The following CPS1 variants were observed in gnomAD, a reference collection of about 807,000 sequenced individuals.
The protein encoded by CPS1 is carbamoyl-phosphate synthase 1, also known as carbamoyl-phosphate synthase [ammonia], mitochondrial.
In CPS1, 109 loss-of-function variants were observed where a neutral mutation model predicts 174.6. That is an observed-to-expected ratio of 0.62 (90% CI 0.53 to 0.73). CPS1 has a LOEUF of 0.73. Ranked by LOEUF, CPS1 falls within the 30% of genes least tolerant of loss-of-function variation. The probability of loss-of-function intolerance (pLI) is 0.00; values close to 1 mark genes in which losing one functional copy is unlikely to be tolerated. For missense variants in CPS1, 1,689 were observed against 1,821.9 expected (o/e 0.93, Z 1.33); for synonymous variants, 637 against 632.0 (o/e 1.01, Z -0.12).
intron 35 of CPS1, among the ~76,000 whole-genome samples, chr2:210,675,364 T>A (rs1440101289): frequency 6.6e-6 from 1 of 152,186 alleles, no homozygotes; most frequent in Non-Finnish European, 1.5e-5. Flanking sequence ...TTCCCAAGGC[T>A]TATGATGGGC....
intron 1 of CPS1, among the ~76,000 whole-genome samples, chr2:210,566,274 G>A (rs553538253): frequency 2.6e-5 from 4 of 152,264 alleles, no homozygotes; most frequent in African/African-American, 9.6e-5. Context: ...CTGGGGAAAA[G>A]GGAGGGGGGA....
chr2:210,501,906 T>C (rs1695148203), intron 1 of CPS1, among the ~76,000 whole-genome samples: 1 of 152,106 alleles, frequency 6.6e-6, no homozygotes, highest in South Asian at 2.1e-4. Flanking sequence ...TTTCAGGCTG[T>C]GATGAAAAAA....
At chr2:210,497,889 C>CATATATATATATATAT (rs1401841718) in intron 1 of CPS1, among the ~76,000 whole-genome samples, 752 of 62,862 alleles carry the variant, frequency 0.012, 8 homozygotes, top group Non-Finnish European at 0.02. Context: ...ACAATATATA[C>CATATATATATATATAT]ATACATATAT....
chr2:210,556,912 A>G (rs1696931391), intron 1 of CPS1, 53 bp downstream of exon 1: 1 of 1,588,718 alleles, frequency 6.3e-7, no homozygotes, highest in Non-Finnish European at 8.6e-7. Flanking sequence ...ATAGTTTAGC[A>G]GTGAAGCAAA....
rs183745323 is a variant in CPS1 at position 210,616,343 on chromosome 2, A to G, written c.2569-80A>G. 9.7e-6 allele frequency: 9 copies of G among 927,938 alleles called. No homozygotes were observed. The Admixed American group carries it at 1.4e-4, about 14-fold the overall frequency. 57.5% of individuals were successfully genotyped at this position (927,938 alleles called of 1,614,324 possible). The stretch of plus-strand genomic sequence containing the variant: ...GGCTCTCTAAATAACACACAGAGGC[A>G]TGACTGCTATGTATTTTAAACCAAA... On this transcript the variant is annotated intron_variant, in intron 20 of 37. Transcript: ENST00000233072.
chr2:210,647,751 A>G, intron 25 of CPS1, 112 bp from the exon 26 acceptor site: 1 of 1,324,556 alleles, frequency 7.5e-7, no homozygotes, highest in Non-Finnish European at 1.1e-6. Context: ...AGAGATGTAA[A>G]TATCACAGTC....
intron 1 of CPS1, among the ~76,000 whole-genome samples, chr2:210,520,120 A>C (rs1350719980): frequency 6.6e-6 from 1 of 152,048 alleles, no homozygotes; most frequent in African/African-American, 2.4e-5. Context: ...GATTTTGCTA[A>C]ATTTATATAA....
intron 21 of CPS1, among the ~76,000 whole-genome samples, chr2:210,627,025 C>T (rs906170194): frequency 4.6e-5 from 7 of 152,152 alleles, no homozygotes; most frequent in Non-Finnish European, 1.0e-4. Context: ...CAGTTTTAGT[C>T]ACTAACCCTT....
chr2:210,665,760 A>G (rs1701075969), intron 33 of CPS1, among the ~76,000 whole-genome samples: 1 of 150,006 alleles, frequency 6.7e-6, no homozygotes, highest in African/African-American at 2.5e-5. Flanking sequence ...AGTCTTTGCT[A>G]TTGTGAATAG....
At chr2:210,645,020 A>T (rs1700334376) in intron 25 of CPS1, among the ~76,000 whole-genome samples, 1 of 152,194 alleles carries the variant, frequency 6.6e-6, no homozygotes, top group Admixed American at 6.6e-5. Flanking sequence ...CCTGATGGCT[A>T]TGATAAGGAT....
At chr2:210,613,957 C>T (rs752542239) in intron 20 of CPS1, among the ~76,000 whole-genome samples, 15 of 151,742 alleles carry the variant, frequency 9.9e-5, no homozygotes, top group East Asian at 1.9e-4. Flanking sequence ...AGTGTAAGGA[C>T]GGTGGAGGGC....
chr2:210,524,605 G>A (rs1695923675), intron 1 of CPS1, among the ~76,000 whole-genome samples: 1 of 151,824 alleles, frequency 6.6e-6, no homozygotes, highest in Non-Finnish European at 1.5e-5. Context: ...TATTTGATTG[G>A]AGTCTTAGTG....
intron 37 of CPS1, among the ~76,000 whole-genome samples, 174 bp from the exon 38 acceptor site, chr2:210,677,713 C>T (rs1701578522): frequency 6.6e-6 from 1 of 152,184 alleles, no homozygotes; most frequent in Non-Finnish European, 1.5e-5. Flanking sequence ...AAGAAAGTCC[C>T]CATGGTGAGG....
intron 19 of CPS1, 38 bp downstream of exon 19, chr2:210,608,597 C>T: frequency 6.3e-7 from 1 of 1,595,754 alleles, no homozygotes; most frequent in Non-Finnish European, 8.6e-7. Context: ...TTCTTGTTCT[C>T]AGTTATTTTG....
intron 18 of CPS1, 55 bp from the exon 19 acceptor site, chr2:210,608,306 T>C: frequency 6.5e-7 from 1 of 1,541,964 alleles, no homozygotes; most frequent in Non-Finnish European, 8.9e-7. Flanking sequence ...TATGTTTTGG[T>C]CTGTTTTCAA....
intron 9 of CPS1, 65 bp downstream of exon 9, chr2:210,590,971 T>C (rs1698276390): frequency 8.3e-6 from 10 of 1,204,624 alleles, no homozygotes; most frequent in Non-Finnish European, 1.2e-5. Flanking sequence ...TACAAAGAAC[T>C]CAGAGCACTT....
chr2:210,627,910 A>G (rs1295870382), intron 21 of CPS1, among the ~76,000 whole-genome samples: 1 of 151,626 alleles, frequency 6.6e-6, no homozygotes, highest in East Asian at 1.9e-4. Flanking sequence ...TCCTCCAGCA[A>G]TTGTATCTAT....
chr2:210,599,626 T>C, intron 14 of CPS1, 65 bp downstream of exon 14: 1 of 1,523,616 alleles, frequency 6.6e-7, no homozygotes, highest in Non-Finnish European at 9.1e-7. Flanking sequence ...GTATTTTATT[T>C]GAGCTCATCT....
rs1417271268 is a variant in CPS1 at position 210,549,581 on chromosome 2, AG to A, written c.4-7137del. Among the ~76,000 whole-genome samples, 12 of 152,166 alleles carry A rather than the reference AG, an allele frequency of 7.9e-5. No individual in the cohort carries two copies. In the East Asian group the frequency reaches 1.9e-3, roughly 25 times the overall value. On this transcript the variant is annotated intron_variant, in intron 1 of 38. Transcript: ENST00000430249. The stretch of plus-strand genomic sequence containing the variant: ...TCTATTTGAAATGCAGTAATTGTTC[AG>A]AACTTATATTTCTATACTGATGTCT...
Sources: allele counts gnomAD v4.1 joint callset (sites outside exome capture counted in the v4.1 genomes callset), GRCh38; gene constraint gnomAD v4.1.1; transcripts MANE v1.5; gene names NCBI Gene and HGNC (gene_info 2026-07-23, HGNC 2026-07-21).